SLC5A12: variants seen among roughly 807,000 people sequenced by gnomAD.
The protein encoded by SLC5A12 is solute carrier family 5 member 12, also known as sodium-coupled monocarboxylate transporter 2.
SLC5A12 carries 46 observed loss-of-function variants against 72.7 expected under a neutral mutation model. The ratio of observed to expected loss-of-function variants is 0.63; its 90% CI spans 0.50 to 0.81. The LOEUF is 0.81. Among genes scored for constraint, SLC5A12 ranks in the 30% least tolerant of loss-of-function variants. SLC5A12 has a pLI of 0.00. For synonymous variants in SLC5A12, 275 were observed against 264.4 expected (o/e 1.04, Z -0.39); for missense variants, 683 against 740.7 (o/e 0.92, Z 0.90).
At chr11:26,696,923 T>G (rs910593947) in intron 8 of SLC5A12, among the ~76,000 whole-genome samples, 1 of 152,180 alleles carries the variant, frequency 6.6e-6, no homozygotes, top group African/African-American at 2.4e-5. Context: ...CCCCTGCAGT[T>G]TACTAACTCA....
intron 4 of SLC5A12, among the ~76,000 whole-genome samples, chr11:26,708,482 A>G (rs1855142554): frequency 6.6e-6 from 1 of 152,138 alleles, no homozygotes; most frequent in African/African-American, 2.4e-5. Context: ...ATTGGAATAG[A>G]TGTTACAAAG....
chr11:26,683,707 C>T (rs745501651), intron 11 of SLC5A12, 50 bp downstream of exon 11: 1 of 1,475,596 alleles, frequency 6.8e-7, no homozygotes, highest in South Asian at 1.2e-5. Flanking sequence ...GAGAAAACGG[C>T]TGGGCCCAGT....
chr11:26,673,584 T>C (rs1854196178), intron 13 of SLC5A12, 55 bp from the exon 14 acceptor site: 6 of 1,490,752 alleles, frequency 4.0e-6, no homozygotes, highest in Non-Finnish European at 5.4e-6. Flanking sequence ...TGTCTTCCTT[T>C]ACAGATTTAA....
chr11:26,694,039 C>T (rs1241954192), intron 8 of SLC5A12, among the ~76,000 whole-genome samples: 2 of 152,064 alleles, frequency 1.3e-5, no homozygotes, highest in African/African-American at 2.4e-5. Flanking sequence ...TCTTTGAATC[C>T]TTTGGGCGGG....
chr11:26,683,887 A>G, intron 10 of SLC5A12, 44 bp from the exon 11 acceptor site: 1 of 1,479,752 alleles, frequency 6.8e-7, no homozygotes, highest in Non-Finnish European at 9.3e-7. Flanking sequence ...ACTCAAGGGC[A>G]TCTGTGACTT....
rs549919551 is a variant in SLC5A12 at position 26,721,485 on chromosome 11, A to G, written c.230T>C (p.Phe77Ser). The change falls in exon 1 of 15, where the codon TTT becomes TCT. Residue 77 changes from phenylalanine (F) to serine (S), a missense_variant. Transcript: ENST00000396005. The stretch of plus-strand genomic sequence containing the variant: ...GAAGAAGACTAGGAAGGATGCCCCA[A>G]AGCGGTAGACTTCAGAAGGGGTCCC... ...VLGTPSEVYRFGASFLVFFIA... is the reference protein window; with the variant it reads ...VLGTPSEVYRSGASFLVFFIA... 2 of 1,614,180 alleles carry G rather than the reference A, an allele frequency of 1.2e-6. No homozygotes were observed. Among genetic ancestry groups the G allele is most frequent in the Admixed American group, 3.3e-5 (2 of 60,024 alleles).
intron 6 of SLC5A12, among the ~76,000 whole-genome samples, chr11:26,702,649 G>C (rs1156549439): frequency 6.6e-6 from 1 of 152,112 alleles, no homozygotes; most frequent in East Asian, 1.9e-4. Context: ...CATGAGGCTT[G>C]TGCCTCTGCT....
At chr11:26,676,754 T>C (rs1590706602) in intron 13 of SLC5A12, among the ~76,000 whole-genome samples, 1 of 152,228 alleles carries the variant, frequency 6.6e-6, no homozygotes, top group South Asian at 2.1e-4. Context: ...CCAAGATCTT[T>C]CAGCAGCTGA....
At chr11:26,700,666 C>A (rs773604206) in intron 6 of SLC5A12, among the ~76,000 whole-genome samples, 1 of 152,094 alleles carries the variant, frequency 6.6e-6, no homozygotes, top group Non-Finnish European at 1.5e-5. Context: ...ACTCCTTCTA[C>A]CCTCATAGCA....
intron 13 of SLC5A12, among the ~76,000 whole-genome samples, chr11:26,673,943 T>C (rs928931590): frequency 6.6e-6 from 1 of 152,026 alleles, no homozygotes; most frequent in Non-Finnish European, 1.5e-5. Context: ...TTAGAAAGAG[T>C]ATTTTTATTG....
At chr11:26,714,489 TG>T (rs1855303366) in intron 1 of SLC5A12, among the ~76,000 whole-genome samples, 1 of 152,118 alleles carries the variant, frequency 6.6e-6, no homozygotes, top group Non-Finnish European at 1.5e-5. Flanking sequence ...TTTACTGTTT[TG>T]GAGATTAGGA....
intron 4 of SLC5A12, among the ~76,000 whole-genome samples, chr11:26,704,707 T>C (rs1855044045): frequency 6.6e-6 from 1 of 152,086 alleles, no homozygotes; most frequent in Non-Finnish European, 1.5e-5. Context: ...AAGAAGTGGA[T>C]GGACTGTTTT....
At chr11:26,698,350 T>C in intron 7 of SLC5A12, 56 bp downstream of exon 7, 2 of 1,589,016 alleles carry the variant, frequency 1.3e-6, no homozygotes, top group Non-Finnish European at 1.7e-6. Flanking sequence ...TATCCACCAA[T>C]AGCTAGAAGC....
intron 4 of SLC5A12, among the ~76,000 whole-genome samples, chr11:26,708,373 T>C (rs1279687676): frequency 6.6e-6 from 1 of 151,882 alleles, no homozygotes; most frequent in Non-Finnish European, 1.5e-5. Flanking sequence ...ATCATGGTAA[T>C]GAGAATGTAA....
upstream of SLC5A12, among the ~76,000 whole-genome samples, chr11:26,722,204 A>G (rs968265807): frequency 6.6e-5 from 10 of 152,144 alleles, no homozygotes; most frequent in African/African-American, 1.2e-4. Context: ...TGCAAACACA[A>G]TCCTCAGCAG....
At chr11:26,709,513 C>A (rs1049417065) in intron 3 of SLC5A12, 134 bp from the exon 4 acceptor site, 39 of 639,082 alleles carry the variant, frequency 6.1e-5, no homozygotes, top group African/African-American at 9.2e-5. Flanking sequence ...AGAGTTTTCC[C>A]TCATTAAATT....
chr11:26,676,517 T>C (rs1419925279), intron 13 of SLC5A12, among the ~76,000 whole-genome samples: 2 of 152,108 alleles, frequency 1.3e-5, no homozygotes, highest in Non-Finnish European at 2.9e-5. Context: ...AAGATTCAGA[T>C]AAATATAAAC....
intron 9 of SLC5A12, among the ~76,000 whole-genome samples, chr11:26,687,222 T>C (rs1854558787): frequency 6.6e-6 from 1 of 152,204 alleles, no homozygotes; most frequent in Non-Finnish European, 1.5e-5. Context: ...TTCTAAACCA[T>C]CTTTTAAAAA....
At chr11:26,697,136 A>G (rs1436374417) in intron 8 of SLC5A12, 28 bp downstream of exon 8, 1 of 1,569,902 alleles carries the variant, frequency 6.4e-7, no homozygotes, top group Non-Finnish European at 8.7e-7. Flanking sequence ...TTCCATCATC[A>G]TCATCAGATT....
Sources: allele counts gnomAD v4.1 joint callset (sites outside exome capture counted in the v4.1 genomes callset), GRCh38; gene constraint gnomAD v4.1.1; transcripts MANE v1.5; gene names NCBI Gene and HGNC (gene_info 2026-07-23, HGNC 2026-07-21).